LZTS1: variants seen among roughly 807,000 people sequenced by gnomAD.
LZTS1 encodes the protein leucine zipper putative tumor suppressor 1.
LZTS1 carries 31 observed loss-of-function variants against 45.8 expected under a neutral mutation model. That is an observed-to-expected ratio of 0.68 (90% confidence interval 0.51 to 0.91). The LOEUF is 0.91. Among genes scored for constraint, LZTS1 ranks in the 40% least tolerant of loss-of-function variants. The pLI is 0.00. For missense variants in LZTS1, 821 were observed against 788.9 expected (o/e 1.04, Z -0.49); for synonymous variants, 359 against 357.3 (o/e 1.00, Z -0.05).
chr8:20,277,500 C>G (rs1202596081), intron 1 of LZTS1, among the ~76,000 whole-genome samples: 2 of 152,116 alleles, frequency 1.3e-5, no homozygotes, highest in Non-Finnish European at 2.9e-5. Context: ...TGAATTCTTT[C>G]TTGAGCAAGG....
chr8:20,274,934 A>G (rs1800546453), intron 1 of LZTS1, among the ~76,000 whole-genome samples: 1 of 145,586 alleles, frequency 6.9e-6, no homozygotes, highest in South Asian at 2.1e-4. Flanking sequence ...TGTGATCAAA[A>G]ACAAAGATAG....
Position 20,248,850 on chromosome 8 carries a change from G to C in LZTS1, c.*872C>G, listed in dbSNP as rs1799804945. ...GCCTCTGGCCCCAGCTGGACAGATGGGGAGGCTCCCTGAGGGTGCCTGGAA... is the reference window on the plus strand; with the variant it reads ...GCCTCTGGCCCCAGCTGGACAGATGCGGAGGCTCCCTGAGGGTGCCTGGAA... On this transcript the variant is annotated 3_prime_UTR_variant, in exon 4 of 4. Transcript: ENST00000381569. 1 of 152,506 alleles carries C rather than the reference G, an allele frequency of 6.6e-6. No homozygotes were observed. The highest frequency in any genetic ancestry group is 2.4e-5 in the African/African-American group (1 of 41,396). The allele number at this position is 152,506 out of a possible 1,614,324, so 9.4% of individuals were successfully genotyped here.
intron 1 of LZTS1, among the ~76,000 whole-genome samples, chr8:20,267,107 C>CAAA (rs11379373): frequency 9.1e-6 from 1 of 109,678 alleles, no homozygotes; most frequent in East Asian, 2.6e-4. Flanking sequence ...GACTCCATCT[C>CAAA]AAAAAAAAAA....
chr8:20,288,239 G>A (rs1319775457), intron 1 of LZTS1, among the ~76,000 whole-genome samples: 3 of 152,150 alleles, frequency 2.0e-5, no homozygotes, highest in African/African-American at 7.2e-5. Flanking sequence ...CCGCCTCGCT[G>A]CAGAATCAAG....
intron 1 of LZTS1, among the ~76,000 whole-genome samples, chr8:20,302,087 G>A (rs913652004): frequency 6.6e-6 from 1 of 152,064 alleles, no homozygotes; most frequent in African/African-American, 2.4e-5. Flanking sequence ...CATCCTATTA[G>A]CTGTGGGACC....
intron 3 of LZTS1, among the ~76,000 whole-genome samples, chr8:20,251,322 A>G (rs1425984278): frequency 6.6e-6 from 1 of 151,730 alleles, no homozygotes; most frequent in Non-Finnish European, 1.5e-5. Context: ...GCATGAATAC[A>G]GGGTTGGCCT....
Position 20,252,951 on chromosome 8 carries a change from G to T in LZTS1, c.980C>A (p.Ala327Glu). ...TACCTGCAGGTGCAGGACCTGCTGCGCGCGCTGGCTCTTCTGCGAGGCCTG... is the reference window on the plus strand; with the variant it reads ...TACCTGCAGGTGCAGGACCTGCTGCTCGCGCTGGCTCTTCTGCGAGGCCTG... ...LKQASQKSQR[A>E]QQVLHLQVLQ... The change falls in exon 3 of 4, where the codon GCG (alanine) becomes GAG (glutamate). Residue 327 changes from alanine (A) to glutamate (E), a missense_variant. Transcript: ENST00000381569. The T allele has an allele frequency of 6.3e-7, 1 of 1,594,298 alleles. No homozygotes were observed. The highest frequency in any genetic ancestry group is 1.1e-5 in the South Asian group (1 of 90,304).
chr8:20,297,206 G>A (rs1800991767), intron 1 of LZTS1, among the ~76,000 whole-genome samples: 3 of 152,172 alleles, frequency 2.0e-5, no homozygotes, highest in African/African-American at 7.2e-5. Context: ...AATATATTAT[G>A]CAATTAAGGT....
In LZTS1 at chr8:20,249,741, A is replaced by T. The variant is rs760656848; in HGVS notation, c.1772T>A (p.Ile591Asn). The T allele has an allele frequency of 6.2e-7, 1 of 1,607,802 alleles. No individual in the cohort carries two copies. Among genetic ancestry groups the T allele is most frequent in the South Asian group, 1.1e-5 (1 of 91,014 alleles). Residue 591 changes from isoleucine to asparagine, a missense_variant, in exon 4 of 4, where the codon ATC becomes AAC. Ile to Asn is a moderately radical substitution (Grantham distance 149). Coordinates refer to ENST00000381569, the MANE Select transcript of LZTS1 (RefSeq NM_021020.5). ...AGCCCCTCAGATCTCAGTGGCTATG[A>T]TGTCCTCGTAGGGGATGTCAGCCCC... ...LEGADIPYED[I>N]IATEI
chr8:20,288,416 G>T (rs1800835200), intron 1 of LZTS1, among the ~76,000 whole-genome samples: 1 of 152,166 alleles, frequency 6.6e-6, no homozygotes, highest in African/African-American at 2.4e-5. Context: ...GCCCAGTCCA[G>T]GGCGGGGAGG....
At chr8:20,283,600 A>G (rs1196877302) in intron 1 of LZTS1, among the ~76,000 whole-genome samples, 1 of 152,174 alleles carries the variant, frequency 6.6e-6, no homozygotes, top group African/African-American at 2.4e-5. Flanking sequence ...ATTTCCAAGC[A>G]GACAGCCTGT....
At chr8:20,270,940 G>A (rs147360678) in intron 1 of LZTS1, among the ~76,000 whole-genome samples, 19 of 152,124 alleles carry the variant, frequency 1.2e-4, no homozygotes, top group Middle Eastern at 3.4e-3. Flanking sequence ...CCAGCAGGAA[G>A]CACAGCTCAG....
Position 20,252,904 on chromosome 8 carries a change from G to A in LZTS1, c.1027C>T (p.Arg343Trp), listed in dbSNP as rs764078757. The A allele has an allele frequency of 1.7e-5, 27 of 1,610,020 alleles. No homozygotes were observed. Among genetic ancestry groups the A allele is most frequent in the East Asian group, 4.5e-5 (2 of 44,828 alleles). Reference sequence around the variant, plus strand: ...CTCTCGAGCTCCTGCCGGAGCTGCCGCTTCTCCTGCTGAAGCTGCAGTACC... The same window carrying A: ...CTCTCGAGCTCCTGCCGGAGCTGCCACTTCTCCTGCTGAAGCTGCAGTACC... ...LQVLQLQQEK[R>W]QLRQELESLM... is the part of the protein sequence containing the mutation. The change falls in exon 3 of 4, where the codon CGG becomes TGG. Residue 343 changes from arginine (R) to tryptophan (W), a missense_variant. By Grantham distance (101) the Arg-to-Trp change is moderately radical. Coordinates refer to ENST00000381569, the MANE Select transcript of LZTS1 (RefSeq NM_021020.5).
Position 20,247,349 on chromosome 8 carries a change from G to GC in LZTS1, c.*2372_*2373insG, listed in dbSNP as rs962305794. 3.5e-5 allele frequency: 2 copies of GC among 56,974 alleles called. No homozygotes were observed. The highest frequency in any genetic ancestry group is 1.0e-4 in the African/African-American group (2 of 19,498). The allele number at this position is 56,974 out of a possible 1,614,324, so 3.5% of individuals were successfully genotyped here. On this transcript the variant is annotated 3_prime_UTR_variant, in exon 4 of 4. Coordinates refer to ENST00000381569, the MANE Select transcript of LZTS1 (RefSeq NM_021020.5). Reference sequence around the variant, plus strand: ...CTCTGACTGCTCTTTCCTGGAGTTGGGGGGGGGTCTCCAGCCTGGGGAGGG... The same window carrying GC: ...CTCTGACTGCTCTTTCCTGGAGTTGGCGGGGGGGTCTCCAGCCTGGGGAGGG...
At position 20,284,683 on chromosome 8, in the gene LZTS1, C is replaced by T. The variant is rs189823771; in HGVS notation, c.-135+19057G>A. Among the ~76,000 whole-genome samples, 30 of 152,252 alleles carry T rather than the reference C, an allele frequency of 2.0e-4. 1 individual carries two copies. Among genetic ancestry groups the T allele is most frequent in the Admixed American group, 1.4e-3 (22 of 15,296 alleles). Reference sequence around the variant, plus strand: ...TCGCCTCTGCATTTGCTCATTTTCACCCTCTCTGCTCCCTACCTTGGGGCC... The same window carrying T: ...TCGCCTCTGCATTTGCTCATTTTCATCCTCTCTGCTCCCTACCTTGGGGCC... On this transcript the variant is annotated intron_variant, in intron 1 of 3. Transcript: ENST00000381569.
chr8:20,300,410 G>A lies in LZTS1; in HGVS notation c.-135+3330C>T, dbSNP rs185780255. Among the ~76,000 whole-genome samples, 935 of 151,862 alleles carry A rather than the reference G, an allele frequency of 6.2e-3. 11 individuals are homozygous for A. The highest frequency in any genetic ancestry group is 0.022 in the African/African-American group (895 of 41,394). On this transcript the variant is annotated intron_variant, in intron 1 of 3. Transcript: ENST00000381569. ...TGCAGTGATGTGATCTCGGCTCACT[G>A]CAAGCTCCCCCTCCCGGGTTCACGC... is the stretch of plus-strand genomic sequence containing the variant.
At chr8:20,265,872 C>T (rs1800343797) in intron 1 of LZTS1, among the ~76,000 whole-genome samples, 1 of 152,088 alleles carries the variant, frequency 6.6e-6, no homozygotes, top group African/African-American at 2.4e-5. Context: ...TGGCCCTCAG[C>T]CTGCACAGCT....
intron 1 of LZTS1, among the ~76,000 whole-genome samples, chr8:20,280,566 TAAA>T (rs1800669101): frequency 6.6e-6 from 1 of 152,100 alleles, no homozygotes; most frequent in Non-Finnish European, 1.5e-5. Context: ...ACACTTGAAA[TAAA>T]AAAGCAGCAC....
chr8:20,252,955 G>A lies in LZTS1; in HGVS notation c.976C>T (p.Arg326Cys), dbSNP rs1398484003. 5.7e-6 allele frequency: 9 copies of A among 1,592,606 alleles called. No homozygotes were observed. The highest frequency in any genetic ancestry group is 4.4e-5 in the South Asian group (4 of 90,202). The change falls in exon 3 of 4, where the codon CGC becomes TGC. Residue 326 changes from arginine (R) to cysteine (C), a missense_variant. Arg to Cys is a radical substitution (Grantham distance 180). Coordinates refer to ENST00000381569, the MANE Select transcript of LZTS1 (RefSeq NM_021020.5). Reference protein sequence around the residue: ...KLKQASQKSQRAQQVLHLQVL... With the variant: ...KLKQASQKSQCAQQVLHLQVL... ...TGCAGGTGCAGGACCTGCTGCGCGCGCTGGCTCTTCTGCGAGGCCTGCTTG... is the reference window on the plus strand; with the variant it reads ...TGCAGGTGCAGGACCTGCTGCGCGCACTGGCTCTTCTGCGAGGCCTGCTTG...
Sources: allele counts gnomAD v4.1 joint callset (sites outside exome capture counted in the v4.1 genomes callset), GRCh38; gene constraint gnomAD v4.1.1; transcripts MANE v1.5; gene names NCBI Gene and HGNC (gene_info 2026-07-23, HGNC 2026-07-21).